ZNF888: variants seen among roughly 807,000 people sequenced by gnomAD.
ZNF888 encodes CTD-2331H12.6.
In ZNF888, 5 loss-of-function variants were observed where a neutral mutation model predicts 7.2. The observed-to-expected ratio is 0.70, with a 90% CI of 0.36 to 1.46. The LOEUF (loss-of-function observed/expected upper bound fraction) is 1.46. Among genes scored for constraint, ZNF888 ranks in the 40% most tolerant of loss-of-function variants. The pLI, the probability that ZNF888 is intolerant of heterozygous loss-of-function variation, is 0.03. For synonymous variants in ZNF888, 240 were observed against 284.3 expected (o/e 0.84, Z 1.57); for missense variants, 716 against 858.0 (o/e 0.83, Z 2.07).
At position 52,907,543 on chromosome 19, in the gene ZNF888, T is replaced by A; in HGVS notation, c.779A>T (p.His260Leu). ...TTTCTCACCAGTGTGACATCTACGATGGTGTGCAAGGTATCGCTTCTGATT... is the reference window on the plus strand; with the variant it reads ...TTTCTCACCAGTGTGACATCTACGAAGGTGTGCAAGGTATCGCTTCTGATT... ...DFNQKRYLAH[H>L]RRCHTGEKPY... The change falls in exon 5 of 5, where the codon CAT (histidine) becomes CTT (leucine). Residue 260 changes from histidine (H) to leucine (L), a missense_variant. Around this residue, in one of 2 missense-constraint regions of ZNF888, gnomAD observed 697 missense variants for 803.4 expected, o/e 0.87. Transcript: ENST00000638862. The A allele has an allele frequency of 6.2e-7, 1 of 1,609,806 alleles. No individual in the cohort carries two copies. Among genetic ancestry groups the A allele is most frequent in the South Asian group, 1.1e-5 (1 of 90,336 alleles).
chr19:52,914,527 CACTG>C (rs1378983023), intron 4 of ZNF888: 1 of 168,372 alleles, frequency 5.9e-6, no homozygotes, highest in Non-Finnish European at 1.2e-5. Flanking sequence ...CAAATTCCTC[CACTG>C]ACTGCCTCAT....
chr19:52,912,335 T>A (rs113202764), intron 4 of ZNF888, among the ~76,000 whole-genome samples: 223 of 141,874 alleles, frequency 1.6e-3, no homozygotes, highest in East Asian at 2.6e-3. Context: ...GGATGGCCTC[T>A]ATCTCCTGAC....
chr19:52,906,155 A>C lies in ZNF888; in HGVS notation c.*10T>G. 1 of 1,612,890 alleles carries C rather than the reference A, an allele frequency of 6.2e-7. No individual in the cohort carries two copies. The highest frequency in any genetic ancestry group is 8.5e-7 in the Non-Finnish European group (1 of 1,179,344). On this transcript the variant is annotated 3_prime_UTR_variant, in exon 5 of 5. Transcript: ENST00000638862. ...GTAGCGTTACTGAAGACTTGGTGAC[A>C]ATCATTACATTAGTCAAGTTTCCCT...
chr19:52,905,444 TAAA>T lies in ZNF888; in HGVS notation c.*718_*720del. ...CTCAGCTTGCCTGCACCCAGGTGAT[TAAA>T]AAAAAAAAAAATCTGTATCTGTTTT... On this transcript the variant is annotated 3_prime_UTR_variant, in exon 5 of 5. Transcript: ENST00000638862. 6.6e-6 allele frequency: 1 copy of T among 150,442 alleles called. No homozygotes were observed. Among genetic ancestry groups the T allele is most frequent in the Non-Finnish European group, 1.4e-5 (1 of 70,820 alleles). The allele number at this position is 150,442 out of a possible 1,614,324, so 9.3% of individuals were successfully genotyped here.
chr19:52,912,213 G>A (rs548865777), intron 4 of ZNF888, among the ~76,000 whole-genome samples: 1,458 of 144,438 alleles, frequency 0.01, 22 homozygotes, highest in African/African-American at 0.036. Context: ...TCCCGGGTTA[G>A]CGCCATTCTC....
At chr19:52,912,368 C>A (rs1466064195) in intron 4 of ZNF888, among the ~76,000 whole-genome samples, 1 of 151,370 alleles carries the variant, frequency 6.6e-6, no homozygotes. Context: ...CCCCCTCGGC[C>A]TCCCAAAGTG....
At chr19:52,914,162 A>G (rs2064717560) in intron 4 of ZNF888, 1 of 162,502 alleles carries the variant, frequency 6.2e-6, no homozygotes, top group African/African-American at 2.4e-5. Context: ...GAGGGCAAAG[A>G]AAGATGTCCT....
In ZNF888 at chr19:52,920,497, AAAAAAAAAAAAAAAAAAAAG is replaced by A. The variant is rs2064811974; in HGVS notation, c.-177-1580_-177-1561del. 3.0e-4 allele frequency among the ~76,000 whole-genome samples: 8 copies of A among 26,292 alleles called. 3 individuals are homozygous for A. The highest frequency in any genetic ancestry group is 4.4e-4 in the Non-Finnish European group (6 of 13,560). 17.2% of individuals were successfully genotyped at this position (26,292 alleles called of 152,430 possible). A position where few individuals can be genotyped will look rare whatever the true frequency, so the allele number is the denominator to read the frequency against. The stretch of plus-strand genomic sequence containing the variant: ...AAACAGATGCTTGAAGGCAAAAAAA[AAAAAAAAAAAAAAAAAAAAG>A]AAAAAAAAAGAAAAGGAAAAAAAAA... On this transcript the variant is annotated intron_variant, in intron 1 of 4. Coordinates refer to ENST00000638862, the MANE Select transcript of ZNF888 (RefSeq NM_001393938.1).
rs2064766637 is a variant in ZNF888 at position 52,917,618 on chromosome 19, TCC to T, written c.15+239_15+240del. On this transcript the variant is annotated intron_variant, in intron 3 of 4. Transcript: ENST00000638862. ...CCATAGGACCCTCACCCCGTCTCCATCCATGTCTGTGTGTGAGCCCTTCCCAG... is the reference window on the plus strand; with the variant it reads ...CCATAGGACCCTCACCCCGTCTCCATATGTCTGTGTGTGAGCCCTTCCCAG... Among the ~76,000 whole-genome samples, 11 of 152,170 alleles carry T rather than the reference TCC, an allele frequency of 7.2e-5. No individual in the cohort carries two copies. The South Asian group carries it at 2.3e-3, about 32-fold the overall frequency.
At chr19:52,913,322 T>A (rs2064707669) in intron 4 of ZNF888, among the ~76,000 whole-genome samples, 1 of 130,820 alleles carries the variant, frequency 7.6e-6, no homozygotes, top group Non-Finnish European at 1.6e-5. Flanking sequence ...TATGGATTCT[T>A]TTTTTTTTTT....
chr19:52,908,912 C>T (rs899325445), intron 4 of ZNF888, among the ~76,000 whole-genome samples: 2 of 150,394 alleles, frequency 1.3e-5, no homozygotes, highest in African/African-American at 4.9e-5. Flanking sequence ...TTTGGGAGGC[C>T]GAGGCAGGTG....
At position 52,906,751 on chromosome 19, in the gene ZNF888, C is replaced by T; in HGVS notation, c.1571G>A (p.Cys524Tyr). The stretch of plus-strand genomic sequence containing the variant: ...AACGAAGGTCTTGCCACACTCATTA[C>T]ACTTGTAAGGTTTCTCTCCAGTGTG... The part of the protein sequence containing the change: ...VIHTGEKPYK[C>Y]NECGKTFVQN... Residue 524 changes from cysteine (C) to tyrosine (Y), a missense_variant, in exon 5 of 5, where the codon TGT (cysteine) becomes TAT (tyrosine). By Grantham distance (194) the Cys-to-Tyr change is radical (BLOSUM62 -2). Transcript: ENST00000638862. 6.2e-7 allele frequency: 1 copy of T among 1,613,468 alleles called. No individual in the cohort carries two copies. Among genetic ancestry groups the T allele is most frequent in the Non-Finnish European group, 8.5e-7 (1 of 1,179,432 alleles).
At chr19:52,910,019 G>A (rs867820157) in intron 4 of ZNF888, among the ~76,000 whole-genome samples, 7 of 151,788 alleles carry the variant, frequency 4.6e-5, no homozygotes, top group Middle Eastern at 3.4e-3. Flanking sequence ...AAAATTAGCC[G>A]GGCGTGTAAT....
chr19:52,907,611 T>C lies in ZNF888; in HGVS notation c.711A>G (p.Leu237=). The C allele has an allele frequency of 6.2e-7, 1 of 1,603,132 alleles. No homozygotes were observed. The highest frequency in any genetic ancestry group is 8.5e-7 in the Non-Finnish European group (1 of 1,176,008). Residue 237 remains leucine (L), a synonymous_variant, in exon 5 of 5, where the codon CTA becomes CTG. Transcript: ENST00000638862. The part of the protein sequence containing the change: ...SLFKKHQIIH[L]GEKQYKCDVC... ...CATCACATTTATATTGTTTCTCTCC[T>C]AGATGAATTATCTGATGTTTTTTAA...
rs1027386847 is a variant in ZNF888, at chr19:52,905,748, C to T, written c.*417G>A. On this transcript the variant is annotated 3_prime_UTR_variant, in exon 5 of 5. Coordinates refer to ENST00000638862, the MANE Select transcript of ZNF888 (RefSeq NM_001393938.1). The stretch of plus-strand genomic sequence containing the variant: ...GATGGTTTGCTATACTCATTGCATT[C>T]GGAACTATTATCTCAAAAATAAATT... The T allele has an allele frequency of 1.0e-4, 52 of 520,664 alleles. No individual in the cohort carries two copies. Among genetic ancestry groups the T allele is most frequent in the Non-Finnish European group, 1.7e-4 (43 of 257,804 alleles). The allele number at this position is 520,664 out of a possible 1,614,324, so 32.3% of individuals were successfully genotyped here.
In ZNF888 at chr19:52,912,408, T is replaced by C. The variant is rs973897426; in HGVS notation, c.142+2788A>G. 4.6e-3 allele frequency among the ~76,000 whole-genome samples: 686 copies of C among 150,704 alleles called. 8 individuals are homozygous for C. The highest frequency in any genetic ancestry group is 0.015 in the African/African-American group (627 of 41,196). On this transcript the variant is annotated intron_variant, in intron 4 of 4. Transcript: ENST00000638862. ...GATTACAGGCATGAGCCACCGTGCC[T>C]GGCCAGCAATAACATATTTTAAATA...
chr19:52,905,944 TC>T lies in ZNF888; in HGVS notation c.*220del, dbSNP rs1223673811. The T allele has an allele frequency of 1.2e-6, 1 of 835,624 alleles. No individual in the cohort carries two copies. Among genetic ancestry groups the T allele is most frequent in the Non-Finnish European group, 2.1e-6 (1 of 482,658 alleles). 51.8% of individuals were successfully genotyped at this position (835,624 alleles called of 1,614,324 possible). A position where few individuals can be genotyped will look rare whatever the true frequency, so the allele number is the denominator to read the frequency against. On this transcript the variant is annotated 3_prime_UTR_variant, in exon 5 of 5. Coordinates refer to ENST00000638862, the MANE Select transcript of ZNF888 (RefSeq NM_001393938.1). ...TGAGGTTTCTCTCCTGTATGAATTCTCCTGTTTTGCATAGGATGAAGCTTGA... is the reference window on the plus strand; with the variant it reads ...TGAGGTTTCTCTCCTGTATGAATTCTCTGTTTTGCATAGGATGAAGCTTGA...
At chr19:52,917,963 T>C in intron 2 of ZNF888, 32 bp from the exon 3 acceptor site, 1 of 1,600,636 alleles carries the variant, frequency 6.2e-7, no homozygotes, top group Non-Finnish European at 8.5e-7. Flanking sequence ...GTTAGAAATA[T>C]GTTGTTTATT....
intron 4 of ZNF888, among the ~76,000 whole-genome samples, chr19:52,910,602 G>C (rs2147926475): frequency 6.6e-6 from 1 of 152,298 alleles, no homozygotes; most frequent in Admixed American, 6.5e-5. Context: ...AATACTAAAA[G>C]TGCATTTATA....
Sources: gnomAD v4.1 joint callset for allele counts (sites outside exome capture counted in the v4.1 genomes callset) on GRCh38, gnomAD v4.1.1 for gene constraint, gnomAD v4.1.1 regional missense constraint, MANE v1.5 for transcripts, NCBI Gene and HGNC (gene_info 2026-07-23, HGNC 2026-07-21) for gene names.